MTHFD1L: variants seen among roughly 807,000 people sequenced by gnomAD.
MTHFD1L encodes methylenetetrahydrofolate dehydrogenase (NADP+ dependent) 1 like.
Under a neutral mutation model 119.5 loss-of-function variants are expected in MTHFD1L, and 81 were observed. That is an observed-to-expected ratio of 0.68 (90% CI 0.57 to 0.82). The LOEUF is 0.82. MTHFD1L is among the 40% of genes least tolerant of loss of function. MTHFD1L has a pLI of 0.00. For synonymous variants in MTHFD1L, 430 were observed against 475.2 expected, an observed-to-expected ratio of 0.90 and a Z score of 1.24; for missense variants, 1,125 against 1,253.4, an observed-to-expected ratio of 0.90 and a Z score of 1.55.
At chr6:150,941,459 G>C (rs1489652142) in intron 13 of MTHFD1L, among the ~76,000 whole-genome samples, 1 of 152,186 alleles carries the variant, frequency 6.6e-6, no homozygotes, top group Non-Finnish European at 1.5e-5. Context: ...CCTGTCTTCT[G>C]TGTGATGAAA....
chr6:151,075,273 C>A (rs9383555), intron 26 of MTHFD1L, among the ~76,000 whole-genome samples: 108,155 of 151,934 alleles, frequency 0.71, 41,355 homozygotes, highest in East Asian at 0.91. Flanking sequence ...CTTTTTAAAT[C>A]TAAAGACATA....
intron 26 of MTHFD1L, among the ~76,000 whole-genome samples, chr6:151,042,557 A>T (rs1787291660): frequency 6.6e-6 from 1 of 152,236 alleles, no homozygotes; most frequent in South Asian, 2.1e-4. Context: ...CTCAAAAAAT[A>T]ATCTCATGCC....
chr6:151,093,337 C>T (rs545663959), intron 27 of MTHFD1L, among the ~76,000 whole-genome samples: 40 of 152,260 alleles, frequency 2.6e-4, no homozygotes, highest in Non-Finnish European at 7.4e-5. Flanking sequence ...GATTAGGGCC[C>T]ACCCTAAGAA....
intron 24 of MTHFD1L, among the ~76,000 whole-genome samples, chr6:151,027,089 A>G (rs1054177506): frequency 1.3e-5 from 2 of 151,882 alleles, no homozygotes; most frequent in African/African-American, 4.8e-5. Context: ...TTGGCCTCCC[A>G]AAGTGCTGGG....
intron 20 of MTHFD1L, among the ~76,000 whole-genome samples, chr6:150,992,334 A>G (rs1170822758): frequency 1.3e-5 from 2 of 152,176 alleles, no homozygotes; most frequent in Admixed American, 6.5e-5. Flanking sequence ...TGAAAAACAC[A>G]TAACACAATG....
At chr6:151,004,008 TAAAAA>T (rs397886081) in intron 20 of MTHFD1L, among the ~76,000 whole-genome samples, 9 of 126,028 alleles carry the variant, frequency 7.1e-5, no homozygotes, top group Non-Finnish European at 1.5e-4. Context: ...TGCTTTTTTT[TAAAAA>T]AAAAAAAAAA....
At chr6:150,982,134 G>T (rs1415999399) in intron 20 of MTHFD1L, among the ~76,000 whole-genome samples, 1 of 151,392 alleles carries the variant, frequency 6.6e-6, no homozygotes, top group East Asian at 1.9e-4. Context: ...GAGAGAGAGA[G>T]ATAATACTTT....
chr6:150,931,349 G>A (rs569543729), intron 11 of MTHFD1L, among the ~76,000 whole-genome samples: 1 of 144,706 alleles, frequency 6.9e-6, no homozygotes, highest in East Asian at 2.0e-4. Flanking sequence ...CCTTTATTTC[G>A]GTACAATGTT....
chr6:150,937,748 C>A (rs187535777), intron 12 of MTHFD1L, among the ~76,000 whole-genome samples: 1 of 152,136 alleles, frequency 6.6e-6, no homozygotes, highest in South Asian at 2.1e-4. Context: ...GGAGCCGCAT[C>A]TCTAAAAGTC....
Position 151,039,713 on chromosome 6 carries a change from G to A in MTHFD1L, c.2847+2596G>A, listed in dbSNP as rs546947664. Among the ~76,000 whole-genome samples the A allele has an allele frequency of 2.8e-4, 43 of 152,246 alleles. No homozygotes were observed. The highest frequency in any genetic ancestry group is 1.9e-3 in the Admixed American group (29 of 15,300). ...GGGCGGATCACAAGGTCAGGAGTTC[G>A]AGACCTGCCTGGCCAAAATGGTGAA... On this transcript the variant is annotated intron_variant, in intron 26 of 27. Transcript: ENST00000367321. This position sits in a 1 kb window ranked among gnomAD's most constrained non-coding sequence, Gnocchi z 4.4.
chr6:151,096,890 C>A (rs977500614), intron 27 of MTHFD1L, among the ~76,000 whole-genome samples: 7 of 152,186 alleles, frequency 4.6e-5, no homozygotes, highest in African/African-American at 1.4e-4. Flanking sequence ...AATTGGAGCT[C>A]TCCTTGCTCC....
chr6:150,868,884 G>A (rs1363055407), intron 1 of MTHFD1L, among the ~76,000 whole-genome samples: 4 of 152,082 alleles, frequency 2.6e-5, no homozygotes, highest in African/African-American at 9.7e-5. Flanking sequence ...AACATAGTGA[G>A]ACACCCATCT....
chr6:151,003,238 A>G (rs1162847692), intron 20 of MTHFD1L, among the ~76,000 whole-genome samples: 3 of 152,204 alleles, frequency 2.0e-5, no homozygotes, highest in African/African-American at 7.2e-5. Flanking sequence ...ACACATTAAA[A>G]ACAGAAAAGT....
At chr6:150,987,768 A>G (rs1562499569) in intron 20 of MTHFD1L, among the ~76,000 whole-genome samples, 1 of 152,254 alleles carries the variant, frequency 6.6e-6, no homozygotes, top group Non-Finnish European at 1.5e-5. Flanking sequence ...ATGAGAAACT[A>G]GTAACACTTC....
At chr6:150,937,801 G>A (rs191952962) in intron 12 of MTHFD1L, among the ~76,000 whole-genome samples, 60 of 152,200 alleles carry the variant, frequency 3.9e-4, no homozygotes, top group African/African-American at 1.3e-3. Flanking sequence ...GTTGTTGTGA[G>A]GATCAAATGA....
At chr6:150,932,357 A>T (rs902383844) in intron 11 of MTHFD1L, among the ~76,000 whole-genome samples, 1 of 152,106 alleles carries the variant, frequency 6.6e-6, no homozygotes, top group Non-Finnish European at 1.5e-5. Context: ...TTCTAGAATA[A>T]TCATATAATC....
intron 19 of MTHFD1L, among the ~76,000 whole-genome samples, chr6:150,967,606 A>G (rs1797405907): frequency 6.6e-6 from 1 of 152,020 alleles, no homozygotes; most frequent in Non-Finnish European, 1.5e-5. Context: ...CTTCCCTGAA[A>G]CCTTCCCAGT....
chr6:151,089,900 A>C (rs1355841003), intron 26 of MTHFD1L, among the ~76,000 whole-genome samples: 3 of 152,210 alleles, frequency 2.0e-5, no homozygotes, highest in Non-Finnish European at 4.4e-5. Flanking sequence ...AAGTTTTAAC[A>C]TATAGCAAGT....
chr6:151,014,942 C>CTT lies in MTHFD1L; in HGVS notation c.2372_2373dup (p.Gly792LeufsTer9). ...AGAAGCAAATTCAGATCACTCAGCT[C>CTT]TTTGGGGTTCCCGTTGTGGTGGCTC... On this transcript the variant is annotated frameshift_variant, in exon 23 of 28. Transcript: ENST00000367321. LOFTEE classifies it high-confidence loss of function. The CTT allele has an allele frequency of 1.9e-6, 3 of 1,614,134 alleles. No individual in the cohort carries two copies. The highest frequency in any genetic ancestry group is 2.5e-6 in the Non-Finnish European group (3 of 1,180,010).
Sources: allele counts gnomAD v4.1 joint callset (sites outside exome capture counted in the v4.1 genomes callset), GRCh38; gene constraint gnomAD v4.1.1; non-coding constraint Gnocchi (gnomAD v3.1); transcripts MANE v1.5; gene names NCBI Gene and HGNC (gene_info 2026-07-23, HGNC 2026-07-21).